The following ZNF799 variants were observed in gnomAD, a reference collection of about 807,000 sequenced individuals.
ZNF799 encodes the protein zinc finger protein 14.
A neutral mutation model predicts 41.0 loss-of-function variants in ZNF799; 28 were observed. The observed-to-expected ratio is 0.68, with a 90% confidence interval of 0.51 to 0.94. The LOEUF is 0.94. Ranked by LOEUF, ZNF799 falls within the 40% of genes least tolerant of loss-of-function variation. The pLI, the probability that ZNF799 is intolerant of heterozygous loss-of-function variation, is 0.00. For synonymous variants in ZNF799, 213 were observed against 252.9 expected (o/e 0.84, Z 1.50); for missense variants, 716 against 764.3 (o/e 0.94, Z 0.74).
chr19:12,406,825 C>A, the ZNF799 span, among the ~76,000 whole-genome samples: 21 of 149,758 alleles, frequency 1.4e-4, no homozygotes, highest in Non-Finnish European at 1.0e-4. Context: ...GCGTGAACCC[C>A]GGAGGCGGAG....
At chr19:12,414,345 C>T in the ZNF799 span, among the ~76,000 whole-genome samples, 1 of 152,212 alleles carries the variant, frequency 6.6e-6, no homozygotes, top group Non-Finnish European at 1.5e-5. Context: ...TATCCCGCCC[C>T]TGGGGACATT....
chr19:12,401,721 C>T (rs578219139), upstream of ZNF799, among the ~76,000 whole-genome samples: 23 of 151,278 alleles, frequency 1.5e-4, no homozygotes, highest in Admixed American at 3.3e-4. Context: ...ATTACAGGTG[C>T]GCGCCACCAC....
rs1434564466 is a variant in ZNF799 at position 12,391,963 on chromosome 19, T to C, written c.435A>G (p.Gln145=). 1 of 1,614,206 alleles carries C rather than the reference T, an allele frequency of 6.2e-7. No homozygotes were observed. Among genetic ancestry groups the C allele is most frequent in the African/African-American group, 1.3e-5 (1 of 75,068 alleles). The change falls in exon 4 of 4, where the codon CAA becomes CAG. Residue 145 remains glutamine, a synonymous_variant. Coordinates refer to ENST00000430385, the MANE Select transcript of ZNF799 (RefSeq NM_001080821.3). ...TGTGGTAACTGAAGGCTTTCCCACG[T>C]TGTTTATGCGTATCTGGCTTCTCTC... The part of the protein sequence containing the change: ...ECGEKPDTHK[Q]RGKAFSYHNS...
chr19:12,391,370 C>G lies in ZNF799; in HGVS notation c.1028G>C (p.Gly343Ala). The part of the protein sequence containing the change: ...RDGPHKCKIC[G>A]KGFDCPSSLK... Reference sequence around the variant, plus strand: ...TGAACTAGGACAATCAAAGCCTTTTCCACATATCTTACACTTATGAGGTCC... The same window carrying G: ...TGAACTAGGACAATCAAAGCCTTTTGCACATATCTTACACTTATGAGGTCC... Residue 343 changes from glycine to alanine, a missense_variant, in exon 4 of 4, where the codon GGA (glycine) becomes GCA (alanine). Coordinates refer to ENST00000430385, the MANE Select transcript of ZNF799 (RefSeq NM_001080821.3). 1.9e-6 allele frequency: 3 copies of G among 1,614,096 alleles called. No homozygotes were observed. Among genetic ancestry groups the G allele is most frequent in the Non-Finnish European group, 2.5e-6 (3 of 1,179,998 alleles).
chr19:12,401,162 G>T lies in ZNF799; in HGVS notation c.-92C>A. ...ACACAGGCTGCCACGGAACTTCCAG[G>T]TCGTCTCTTAGCTACAGAGCCGAGC... On this transcript the variant is annotated 5_prime_UTR_variant, in exon 1 of 4. Transcript: ENST00000430385. 6.2e-7 allele frequency: 1 copy of T among 1,607,816 alleles called. No homozygotes were observed. The highest frequency in any genetic ancestry group is 8.5e-7 in the Non-Finnish European group (1 of 1,177,954).
At chr19:12,392,292 C>A (rs1969837360) in intron 3 of ZNF799, 86 bp from the exon 4 acceptor site, 1 of 1,503,848 alleles carries the variant, frequency 6.6e-7, no homozygotes, top group Admixed American at 2.3e-5. Flanking sequence ...ACATTTTTAA[C>A]ACTATCATGC....
the ZNF799 span, among the ~76,000 whole-genome samples, chr19:12,407,755 C>G: frequency 1.3e-5 from 2 of 152,112 alleles, no homozygotes; most frequent in East Asian, 3.8e-4. Context: ...ATTTGGAACA[C>G]TCTGTTATAC....
In ZNF799 at chr19:12,391,950, A is replaced by G; in HGVS notation, c.448T>C (p.Phe150Leu). ...GTTTGAAGTGAGTTGTGGTAACTGA[A>G]GGCTTTCCCACGTTGTTTATGCGTA... ...PDTHKQRGKA[F>L]SYHNSLQTHE... Residue 150 changes from phenylalanine to leucine, a missense_variant, in exon 4 of 4, where the codon TTC becomes CTC. By Grantham distance (22) the Phe-to-Leu change is conservative. This residue lies in a region of ZNF799 where 698 missense variants were observed against 713.6 expected (regional missense o/e 0.98). Transcript: ENST00000430385. 6.2e-7 allele frequency: 1 copy of G among 1,614,180 alleles called. No individual in the cohort carries two copies. The highest frequency in any genetic ancestry group is 8.5e-7 in the Non-Finnish European group (1 of 1,180,030).
chr19:12,406,375 T>C, the ZNF799 span, among the ~76,000 whole-genome samples: 2 of 149,722 alleles, frequency 1.3e-5, no homozygotes. Flanking sequence ...TCCCAGCTAC[T>C]TGGGAGGCTG....
upstream of ZNF799, among the ~76,000 whole-genome samples, chr19:12,402,626 T>A (rs376661006): frequency 1.0e-4 from 15 of 149,044 alleles, no homozygotes; most frequent in Middle Eastern, 3.4e-3. Flanking sequence ...AGTTTTTTTT[T>A]AGGGTTTTTA....
Position 12,401,220 on chromosome 19 carries a change from C to G in ZNF799, c.-150G>C. ...GCCCAGCGCAGGTGGGTGGAGAAGA[C>G]GCCGCGGGCTTTTTCAACCACACAC... On this transcript the variant is annotated 5_prime_UTR_variant, in exon 1 of 4. Coordinates refer to ENST00000430385, the MANE Select transcript of ZNF799 (RefSeq NM_001080821.3). The G allele has an allele frequency of 6.7e-7, 1 of 1,498,360 alleles. No individual in the cohort carries two copies. The allele number at this position is 1,498,360 out of a possible 1,614,324, so 92.8% of individuals were successfully genotyped here.
At chr19:12,393,636 T>G in intron 1 of ZNF799, 1 of 1,420,672 alleles carries the variant, frequency 7.0e-7, no homozygotes, top group Non-Finnish European at 9.2e-7. Context: ...AACAGTGGGA[T>G]AGAAACATGC....
intron 1 of ZNF799, chr19:12,400,750 G>C (rs1969966989): frequency 5.5e-6 from 3 of 548,874 alleles, no homozygotes; most frequent in South Asian, 2.2e-5. Flanking sequence ...AGCCCTCAGC[G>C]TCTCGGTGCA....
At chr19:12,410,807 A>G in the ZNF799 span, among the ~76,000 whole-genome samples, 1 of 152,204 alleles carries the variant, frequency 6.6e-6, no homozygotes. Context: ...TTGCATGTCT[A>G]CAGATTTGTT....
At chr19:12,404,562 T>A (rs1032125206), upstream of ZNF799, among the ~76,000 whole-genome samples, 2 of 152,190 alleles carry the variant, frequency 1.3e-5, no homozygotes, top group Non-Finnish European at 2.9e-5. Flanking sequence ...CTGCTGGGAT[T>A]ACAGGCGTGA....
At chr19:12,405,005 G>A (rs535393356), upstream of ZNF799, among the ~76,000 whole-genome samples, 8 of 152,200 alleles carry the variant, frequency 5.3e-5, no homozygotes, top group South Asian at 2.1e-4. Context: ...AGCTGCCAGC[G>A]AATATAAAGC....
At position 12,390,723 on chromosome 19, in the gene ZNF799, G is replaced by T. The variant is rs776796116; in HGVS notation, c.1675C>A (p.Pro559Thr). 1 of 1,613,736 alleles carries T rather than the reference G, an allele frequency of 6.2e-7. No homozygotes were observed. The highest frequency in any genetic ancestry group is 2.2e-5 in the East Asian group (1 of 44,818). The change falls in exon 4 of 4, where the codon CCC becomes ACC. Residue 559 changes from proline to threonine, a missense_variant. Physicochemically the swap from Pro to Thr is conservative, Grantham distance 38. Transcript: ENST00000430385. ...RHERIHMREKPYECQQCGKAF... is the reference protein window; with the variant it reads ...RHERIHMREKTYECQQCGKAF... ...TTACCACATTGTTGACACTCATAGG[G>T]TTTCTCTCTCATGTGAATTCTTTCA...
Position 12,391,280 on chromosome 19 carries a change from G to A in ZNF799, c.1118C>T (p.Ala373Val), listed in dbSNP as rs1205947085. The A allele has an allele frequency of 1.5e-5, 24 of 1,614,010 alleles. No individual in the cohort carries two copies. Among genetic ancestry groups the A allele is most frequent in the Non-Finnish European group, 1.4e-5 (17 of 1,179,998 alleles). ...TCGAAAGCTTGAGCTATGAGATAAC[G>A]CTTTCCCACACTGCTTGCATTCATA... ...KLYECKQCGKALSHSSSFRRH... is the reference protein window; with the variant it reads ...KLYECKQCGKVLSHSSSFRRH... The change falls in exon 4 of 4, where the codon GCG becomes GTG. Residue 373 changes from alanine (A) to valine (V), a missense_variant. Transcript: ENST00000430385.
At chr19:12,401,673 G>A (rs952941519), upstream of ZNF799, among the ~76,000 whole-genome samples, 1 of 137,960 alleles carries the variant, frequency 7.2e-6, no homozygotes, top group African/African-American at 2.7e-5. Context: ...TCCTAGGTGG[G>A]TTCAAACAAT....
Sources: gnomAD v4.1 joint callset for allele counts (sites outside exome capture counted in the v4.1 genomes callset) on GRCh38, gnomAD v4.1.1 for gene constraint, gnomAD v4.1.1 regional missense constraint, MANE v1.5 for transcripts, NCBI Gene and HGNC (gene_info 2026-07-23, HGNC 2026-07-21) for gene names.